The following WFDC3 variants were observed in gnomAD, a reference collection of about 807,000 sequenced individuals.
WFDC3 encodes the protein WAP four-disulfide core domain 3.
WFDC3 carries 15 observed loss-of-function variants against 25.8 expected under a neutral mutation model. That is an observed-to-expected ratio of 0.58 (90% CI 0.39 to 0.89). The LOEUF (loss-of-function observed/expected upper bound fraction) is 0.89. Among genes scored for constraint, WFDC3 ranks in the 40% least tolerant of loss-of-function variants. The pLI, the probability that WFDC3 is intolerant of heterozygous loss-of-function variation, is 0.00. For missense variants in WFDC3, 264 were observed against 289.8 expected (o/e 0.91, Z 0.65); for synonymous variants, 103 against 107.1 (o/e 0.96, Z 0.24).
At chr20:45,775,625 A>C in intron 5 of WFDC3, 23 bp from the exon 6 acceptor site, 1 of 1,613,244 alleles carries the variant, frequency 6.2e-7, no homozygotes, top group Admixed American at 1.7e-5. Context: ...CAGGCACAGG[A>C]AAAGGGACAG....
rs6032525 is a variant in WFDC3, at chr20:45,774,469, C to G, written c.680-25G>C. ...TCTGCAAGTAGAAGAAACATCAAGT[C>G]ACAGCTGTGCCCTCCTGGCTTCAGC... On this transcript the variant is annotated intron_variant, in intron 6 of 6. Transcript: ENST00000243938. 3.1e-3 allele frequency: 5,010 copies of G among 1,614,056 alleles called. 142 individuals are homozygous for G. The African/African-American group carries it at 0.059, about 19-fold the overall frequency.
In WFDC3 at chr20:45,774,294, G is replaced by A. The variant is rs1055667735; in HGVS notation, c.*134C>T. 1.5e-4 allele frequency: 184 copies of A among 1,214,974 alleles called. 1 individual carries two copies. The highest frequency in any genetic ancestry group is 1.0e-3 in the Admixed American group (58 of 57,824). The allele number at this position is 1,214,974 out of a possible 1,614,324, so 75.3% of individuals were successfully genotyped here. A position where few individuals can be genotyped will look rare whatever the true frequency, so the allele number is the denominator to read the frequency against. On this transcript the variant is annotated 3_prime_UTR_variant, in exon 7 of 7. Coordinates refer to ENST00000243938, the MANE Select transcript of WFDC3 (RefSeq NM_080614.2). ...GGCTATTTCCCATGCTCTGGTCAGC[G>A]GCAGGAGGAGAAGCAGAGCAGAGAG...
intron 4 of WFDC3, among the ~76,000 whole-genome samples, chr20:45,778,426 T>C (rs191345210): frequency 6.6e-6 from 1 of 152,306 alleles, no homozygotes; most frequent in African/African-American, 2.4e-5. Flanking sequence ...TATGCAGCAA[T>C]AGATACTGGA....
At chr20:45,785,917 C>T (rs1360972400) in intron 4 of WFDC3, among the ~76,000 whole-genome samples, 4 of 152,182 alleles carry the variant, frequency 2.6e-5, no homozygotes, top group Admixed American at 6.5e-5. Flanking sequence ...CCCATTTCTA[C>T]TCTAACCGTA....
chr20:45,791,290 T>C (rs1980973368), intron 1 of WFDC3, among the ~76,000 whole-genome samples: 1 of 130,968 alleles, frequency 7.6e-6, no homozygotes, highest in Non-Finnish European at 1.6e-5. Flanking sequence ...AACATGTGCC[T>C]AATGTGCTTT....
chr20:45,789,342 TA>T (rs1382900746), intron 2 of WFDC3, among the ~76,000 whole-genome samples: 1 of 151,126 alleles, frequency 6.6e-6, no homozygotes, highest in African/African-American at 2.4e-5. Context: ...CCATCTCTAC[TA>T]AAAATACAAA....
At position 45,774,276 on chromosome 20, in the gene WFDC3, TC is replaced by T; in HGVS notation, c.*151del. On this transcript the variant is annotated 3_prime_UTR_variant, in exon 7 of 7. Coordinates refer to ENST00000243938, the MANE Select transcript of WFDC3 (RefSeq NM_080614.2). ...ACCCACTACCCAATCCAGGGCTATT[TC>T]CCATGCTCTGGTCAGCGGCAGGAGG... is the stretch of plus-strand genomic sequence containing the variant. 9.6e-7 allele frequency: 1 copy of T among 1,038,500 alleles called. No individual in the cohort carries two copies. The highest frequency in any genetic ancestry group is 1.5e-6 in the Non-Finnish European group (1 of 674,406). The allele number at this position is 1,038,500 out of a possible 1,614,324, so 64.3% of individuals were successfully genotyped here.
intron 1 of WFDC3, chr20:45,790,805 A>G: frequency 4.8e-6 from 2 of 415,602 alleles, no homozygotes; most frequent in Non-Finnish European, 4.9e-6. Context: ...ACTAATGAAA[A>G]GCACCAAACA....
intron 4 of WFDC3, among the ~76,000 whole-genome samples, chr20:45,780,063 C>CTT (rs3080097): frequency 2.3e-3 from 201 of 88,574 alleles, no homozygotes; most frequent in African/African-American, 3.0e-3. Context: ...GCCTTTATAC[C>CTT]TTTTTTTTTT....
At chr20:45,779,968 T>A (rs1980365557) in intron 4 of WFDC3, 1 of 152,014 alleles carries the variant, frequency 6.6e-6, no homozygotes, top group Admixed American at 6.6e-5. Context: ...TGCCACGTGA[T>A]CCCTTTCTCT....
chr20:45,781,291 C>T (rs1329123565), intron 4 of WFDC3, among the ~76,000 whole-genome samples: 32 of 151,700 alleles, frequency 2.1e-4, no homozygotes, highest in Admixed American at 2.0e-3. Flanking sequence ...CATCATGATC[C>T]CCTACACTGC....
intron 1 of WFDC3, 63 bp from the exon 2 acceptor site, chr20:45,790,045 T>C: frequency 7.3e-7 from 1 of 1,372,140 alleles, no homozygotes; most frequent in Non-Finnish European, 1.0e-6. Flanking sequence ...GAGTATCAGC[T>C]GAGGTATGAG....
At chr20:45,790,044 CT>C (rs1484418298) in intron 1 of WFDC3, 62 bp from the exon 2 acceptor site, 3 of 1,387,182 alleles carry the variant, frequency 2.2e-6, no homozygotes, top group Non-Finnish European at 3.1e-6. Context: ...AGAGTATCAG[CT>C]GAGGTATGAG....
In WFDC3 at chr20:45,775,503, C is replaced by A; in HGVS notation, c.593G>T (p.Gly198Val). 6.2e-7 allele frequency: 1 copy of A among 1,614,220 alleles called. No individual in the cohort carries two copies. The highest frequency in any genetic ancestry group is 2.2e-5 in the East Asian group (1 of 44,886). The stretch of plus-strand genomic sequence containing the variant: ...TGGTGGGACACAGAAGCGGCCACAG[C>A]CTGACTTGCAACATTTTTCTCCAGC... The part of the protein sequence containing the change: ...CQAGEKCCKS[G>V]CGRFCVPPVL... The change falls in exon 6 of 7, where the codon GGC (glycine) becomes GTC (valine). Residue 198 changes from glycine (G) to valine (V), a missense_variant. Physicochemically the swap from Gly to Val is moderately radical, Grantham distance 109. Transcript: ENST00000243938.
At position 45,788,954 on chromosome 20, in the gene WFDC3, C is replaced by T. The variant is rs73122754; in HGVS notation, c.188G>A (p.Arg63Gln). ...EQKCCTTGCG[R>Q]ICRDIPKGRK... ...ACCCTTAGGAATGTCTCGGCAGATC[C>T]GACCACAGCCTGTGGTGCAGCACTT... The change falls in exon 3 of 7, where the codon CGG becomes CAG. Residue 63 changes from arginine (R) to glutamine (Q), a missense_variant. Transcript: ENST00000243938. The T allele has an allele frequency of 3.0e-5, 48 of 1,612,384 alleles. No individual in the cohort carries two copies. The highest frequency in any genetic ancestry group is 8.8e-5 in the South Asian group (8 of 90,894).
intron 3 of WFDC3, 76 bp downstream of exon 3, chr20:45,788,855 G>A (rs903995658): frequency 4.0e-5 from 60 of 1,517,720 alleles, no homozygotes; most frequent in Middle Eastern, 3.5e-4. Context: ...TAGAAGGTGG[G>A]AAGCTCTCTA....
At chr20:45,777,280 G>GTA in intron 4 of WFDC3, 71 bp from the exon 5 acceptor site, 1 of 1,348,246 alleles carries the variant, frequency 7.4e-7, no homozygotes, top group Non-Finnish European at 9.6e-7. Flanking sequence ...TGTCCCATGT[G>GTA]TATGTTTATA....
In WFDC3 at chr20:45,774,402, A is replaced by G. The variant is rs1478301339; in HGVS notation, c.*26T>C. ...CCAGGAAAAGCTTCCAGAATTACCAAAGAAGCTCCAGACAAATCAGCACAG... is the reference window on the plus strand; with the variant it reads ...CCAGGAAAAGCTTCCAGAATTACCAGAGAAGCTCCAGACAAATCAGCACAG... On this transcript the variant is annotated 3_prime_UTR_variant, in exon 7 of 7. Transcript: ENST00000243938. 5 of 1,614,010 alleles carry G rather than the reference A, an allele frequency of 3.1e-6. No homozygotes were observed. Among genetic ancestry groups the G allele is most frequent in the Non-Finnish European group, 4.2e-6 (5 of 1,180,020 alleles).
intron 3 of WFDC3, chr20:45,788,681 C>A: frequency 2.5e-6 from 1 of 395,544 alleles, no homozygotes; most frequent in Admixed American, 4.4e-5. Context: ...TCCCTCCAGC[C>A]TTCACAGGAA....
Sources: allele counts gnomAD v4.1 joint callset (sites outside exome capture counted in the v4.1 genomes callset), GRCh38; gene constraint gnomAD v4.1.1; transcripts MANE v1.5; gene names NCBI Gene and HGNC (gene_info 2026-07-23, HGNC 2026-07-21).